Variants in SMARCA1 observed in about 807,000 individuals in gnomAD.
The protein encoded by SMARCA1 is SNF2 related chromatin remodeling ATPase 1, also known as SWI/SNF-related matrix-associated actin-dependent regulator of chromatin subfamily A member 1.
Under a neutral mutation model 93.6 loss-of-function variants are expected in SMARCA1, and 17 were observed. That is an observed-to-expected ratio of 0.18 (90% CI 0.12 to 0.27). The LOEUF (loss-of-function observed/expected upper bound fraction) is 0.27, where lower values mean the gene tolerates loss of function less well. SMARCA1 is among the 10% of genes least tolerant of loss of function. The pLI is 1.00. For missense variants in SMARCA1, 630 were observed against 819.0 expected, an observed-to-expected ratio of 0.77 and a Z score of 2.82; for synonymous variants, 271 against 271.4, an observed-to-expected ratio of 1.00 and a Z score of 0.01.
intron 23 of SMARCA1, among the ~76,000 whole-genome samples, chrX:129,465,262 T>C (rs1188626137): frequency 2.7e-5 from 3 of 111,808 alleles, no homozygotes; most frequent in Non-Finnish European, 5.6e-5. Flanking sequence ...TTCATAAATA[T>C]AGTTAAGTAT....
At chrX:129,514,804 C>A (rs3118102) in intron 5 of SMARCA1, among the ~76,000 whole-genome samples, 7,409 of 111,489 alleles carry the variant, frequency 0.066, 288 homozygotes, top group African/African-American at 0.15. Context: ...AATCCCAGCA[C>A]TCTGGGAGGC....
chrX:129,519,911 T>C (rs1335743929), intron 1 of SMARCA1, among the ~76,000 whole-genome samples: 1 of 111,773 alleles, frequency 8.9e-6, no homozygotes, highest in Non-Finnish European at 1.9e-5. Context: ...CACAAATATA[T>C]ATAATAATGT....
chrX:129,505,428 C>G (rs1934771806), intron 8 of SMARCA1, among the ~76,000 whole-genome samples: 1 of 110,684 alleles, frequency 9.0e-6, no homozygotes, highest in Non-Finnish European at 1.9e-5. Context: ...AGGAGAATCA[C>G]TTTAACCCGG....
chrX:129,476,291 G>A (rs1001291825), intron 19 of SMARCA1, among the ~76,000 whole-genome samples: 1 of 112,135 alleles, frequency 8.9e-6, no homozygotes, highest in South Asian at 3.8e-4. Flanking sequence ...TGGTTAGGGC[G>A]AAACAAATAC....
chrX:129,454,612 C>T (rs1348466263), intron 23 of SMARCA1, among the ~76,000 whole-genome samples: 1 of 111,703 alleles, frequency 9.0e-6, no homozygotes, highest in Non-Finnish European at 1.9e-5. Context: ...CAAACAACCC[C>T]ATTAAAAAGT....
intron 9 of SMARCA1, among the ~76,000 whole-genome samples, chrX:129,501,617 G>A (rs1251943097): frequency 9.6e-6 from 1 of 103,680 alleles, no homozygotes; most frequent in Non-Finnish European, 2.0e-5. Flanking sequence ...TTTTGGGGGG[G>A]GAGGTGGGGT....
At position 129,448,424 on chromosome X, in the gene SMARCA1, T is replaced by C. The variant is rs374386403; in HGVS notation, c.3050A>G (p.Asn1017Ser). The change falls in exon 24 of 25, where the codon AAC becomes AGC. Residue 1017 changes from asparagine to serine, a missense_variant. Asn to Ser is a conservative substitution (Grantham distance 46). Around this residue, in one of 4 missense-constraint regions of SMARCA1, gnomAD observed 93 missense variants for 160.8 expected, o/e 0.58. Transcript: ENST00000371121. ...TTTCTCAATCAATGAAATCAGAGTG[T>C]TACAGCGTCTCTGGAATTCCTAAAT... is the stretch of plus-strand genomic sequence containing the variant. ...RTAMEFQRRC[N>S]TLISLIEKEN... The C allele has an allele frequency of 2.5e-6, 3 of 1,193,073 alleles. No homozygotes were observed. The African/African-American group carries it at 5.3e-5, about 21-fold the overall frequency.
At chrX:129,472,374 G>T (rs1490627338) in intron 19 of SMARCA1, among the ~76,000 whole-genome samples, 3 of 110,816 alleles carry the variant, frequency 2.7e-5, no homozygotes, top group African/African-American at 9.8e-5. Flanking sequence ...ATTCCCTAGG[G>T]GCATCAGGTA....
chrX:129,456,059 G>A (rs1932607601), intron 23 of SMARCA1, among the ~76,000 whole-genome samples: 2 of 111,834 alleles, frequency 1.8e-5, no homozygotes, highest in South Asian at 7.6e-4. Flanking sequence ...CGGATGCCCA[G>A]CTTCAAAGCT....
intron 13 of SMARCA1, 108 bp downstream of exon 13, chrX:129,492,932 G>A (rs1386290084): frequency 3.1e-6 from 1 of 327,029 alleles, no homozygotes; most frequent in African/African-American, 2.6e-5. Flanking sequence ...TGATGAGGGG[G>A]CGGTGAGACG....
intron 14 of SMARCA1, 59 bp from the exon 15 acceptor site, chrX:129,490,251 C>A (rs1934069944): frequency 1.2e-6 from 1 of 810,518 alleles, no homozygotes; most frequent in South Asian, 3.3e-5. Flanking sequence ...TTAGAGCCAT[C>A]ATATGCTATA....
At chrX:129,454,853 A>G (rs1932517793) in intron 23 of SMARCA1, among the ~76,000 whole-genome samples, 1 of 111,968 alleles carries the variant, frequency 8.9e-6, no homozygotes, top group African/African-American at 3.3e-5. Flanking sequence ...ATAATGAAAA[A>G]GAGCTCATCA....
intron 24 of SMARCA1, 151 bp downstream of exon 24, chrX:129,448,182 G>A (rs1932098453): frequency 3.8e-6 from 2 of 529,345 alleles, no homozygotes; most frequent in Non-Finnish European, 6.1e-6. Flanking sequence ...TGGTTGTGAA[G>A]CAATTCTTCT....
intron 9 of SMARCA1, 44 bp downstream of exon 9, chrX:129,504,690 G>A: frequency 4.4e-6 from 4 of 916,120 alleles, no homozygotes; most frequent in Non-Finnish European, 6.3e-6. Context: ...GTCAGTTTGT[G>A]TATACTATTT....
intron 23 of SMARCA1, among the ~76,000 whole-genome samples, chrX:129,460,408 G>A (rs1256285587): frequency 9.1e-6 from 1 of 110,055 alleles, no homozygotes; most frequent in Non-Finnish European, 1.9e-5. Context: ...AGCACTTTGG[G>A]AGACCGCGAG....
intron 12 of SMARCA1, 22 bp downstream of exon 12, chrX:129,496,723 AATCTT>A: frequency 8.4e-7 from 1 of 1,189,281 alleles, no homozygotes; most frequent in Non-Finnish European, 1.1e-6. Flanking sequence ...TGATTTCTGA[AATCTT>A]ATTTTATTTT....
chrX:129,513,316 G>A (rs1251233810), intron 5 of SMARCA1, among the ~76,000 whole-genome samples: 1 of 109,243 alleles, frequency 9.2e-6, no homozygotes, highest in Non-Finnish European at 1.9e-5. Context: ...CCTGAAGTCA[G>A]GAGTTTGAGA....
intron 14 of SMARCA1, 75 bp from the exon 15 acceptor site, chrX:129,490,267 C>A: frequency 1.4e-6 from 1 of 698,826 alleles, no homozygotes; most frequent in Non-Finnish European, 2.0e-6. Flanking sequence ...CTATAAAATT[C>A]TAAAAATAAA....
At chrX:129,508,730 TA>T (rs1190964685) in intron 6 of SMARCA1, among the ~76,000 whole-genome samples, 1 of 112,503 alleles carries the variant, frequency 8.9e-6, no homozygotes, top group Non-Finnish European at 1.9e-5. Context: ...TGAGACTATT[TA>T]AAACTATTTT....
Sources: gnomAD v4.1 joint callset for allele counts (sites outside exome capture counted in the v4.1 genomes callset) on GRCh38, gnomAD v4.1.1 for gene constraint, gnomAD v4.1.1 regional missense constraint, MANE v1.5 for transcripts, NCBI Gene and HGNC (gene_info 2026-07-23, HGNC 2026-07-21) for gene names.